RRM2: variants seen among roughly 807,000 people sequenced by gnomAD.
RRM2 encodes the protein ribonucleoside-diphosphate reductase subunit M2.
RRM2 carries 6 observed loss-of-function variants against 45.9 expected under a neutral mutation model. The observed-to-expected ratio is 0.13, with a 90% CI of 0.07 to 0.26. The LOEUF (loss-of-function observed/expected upper bound fraction) is 0.26, where lower values mean the gene tolerates loss of function less well. RRM2 is among the 10% of genes least tolerant of loss of function. The pLI is 1.00. For missense variants in RRM2, 343 were observed against 489.5 expected (o/e 0.70, Z 2.82); for synonymous variants, 177 against 173.0 (o/e 1.02, Z -0.18).
intron 3 of RRM2, among the ~76,000 whole-genome samples, chr2:10,186,865 G>T (rs1436412719): frequency 1.3e-5 from 2 of 152,234 alleles, no homozygotes; most frequent in Admixed American, 6.5e-5. Flanking sequence ...CAGATTGGGG[G>T]CTTGGGGACA....
chr2:10,122,770 T>TG lies in RRM2; in HGVS notation c.-28dup. The TG allele has an allele frequency of 6.4e-7, 1 of 1,565,718 alleles. No homozygotes were observed. Among genetic ancestry groups the TG allele is most frequent in the Non-Finnish European group, 8.7e-7 (1 of 1,155,736 alleles). On this transcript the variant is annotated 5_prime_UTR_variant, in exon 1 of 10. Transcript: ENST00000304567. ...CCTGTCCCAGCCGTCCTGTCCTGGC[T>TG]GCTCGCTCTGCTTCGCTGCGCCTCC...
chr2:10,128,803 G>A, intron 7 of RRM2, 45 bp from the exon 8 acceptor site: 2 of 1,314,322 alleles, frequency 1.5e-6, no homozygotes, highest in Non-Finnish European at 2.2e-6. Flanking sequence ...CCATGTTAAT[G>A]ACAGAAGTCT....
At position 10,177,973 on chromosome 2, in the gene RRM2, G is replaced by A. The variant is rs1663965473; in HGVS notation, n.483-32338G>A. On this transcript the variant is annotated intron_variant and non_coding_transcript_variant, in intron 3 of 3. Transcript: ENST00000381786. ...GTCTCGCTCTGTCACCCAGGCTGGA[G>A]TGCAGTGGCGCGATCTCGGCTCACT... is the stretch of plus-strand genomic sequence containing the variant. Among the ~76,000 whole-genome samples the A allele has an allele frequency of 2.0e-5, 3 of 150,516 alleles. No individual in the cohort carries two copies. The South Asian group carries it at 6.3e-4, about 32-fold the overall frequency.
chr2:10,125,432 G>T (rs761133775), intron 5 of RRM2, among the ~76,000 whole-genome samples: 2 of 152,120 alleles, frequency 1.3e-5, no homozygotes, highest in South Asian at 4.1e-4. Context: ...AGGGTGGCGC[G>T]CGGTGGTTCT....
intron 3 of RRM2, among the ~76,000 whole-genome samples, chr2:10,146,719 G>A (rs1663194333): frequency 6.6e-6 from 1 of 152,244 alleles, no homozygotes; most frequent in African/African-American, 2.4e-5. Flanking sequence ...GTAAGCCCCG[G>A]GAAGGGTAGG....
chr2:10,147,441 G>C (rs1663212287), intron 3 of RRM2, among the ~76,000 whole-genome samples: 1 of 151,878 alleles, frequency 6.6e-6, no homozygotes, highest in African/African-American at 2.4e-5. Flanking sequence ...ACCACACCCA[G>C]CTAATTTTTG....
chr2:10,123,224 G>C, intron 2 of RRM2, 163 bp from the exon 3 acceptor site: 4 of 1,274,344 alleles, frequency 3.1e-6, no homozygotes, highest in Middle Eastern at 2.8e-4. Flanking sequence ...TTCCCGGTTC[G>C]GGCGTGCGCT....
intron 3 of RRM2, among the ~76,000 whole-genome samples, chr2:10,160,793 C>T (rs1663538887): frequency 6.6e-6 from 1 of 152,220 alleles, no homozygotes; most frequent in Admixed American, 6.5e-5. Context: ...TTCAGTCTTT[C>T]CTGGAGCCCT....
At chr2:10,199,800 A>AAACAAAAAAAAAC (rs1553329434) in intron 3 of RRM2, among the ~76,000 whole-genome samples, 8 of 97,892 alleles carry the variant, frequency 8.2e-5, no homozygotes, top group African/African-American at 8.1e-5. Context: ...AAAAAAAAAA[A>AAACAAAAAAAAAC]AAAAAAAAAC....
rs1257894036 is a variant in RRM2, at chr2:10,171,877, A to G, written n.482+29502A>G. ...TCAGGAACAAACAAAATATACAGAAACTTGGCCCTTGTGTTGCTCAGGATG... is the reference window on the plus strand; with the variant it reads ...TCAGGAACAAACAAAATATACAGAAGCTTGGCCCTTGTGTTGCTCAGGATG... On this transcript the variant is annotated intron_variant and non_coding_transcript_variant, in intron 3 of 3. Coordinates refer to the RRM2 transcript ENST00000381786. This position sits in a 1 kb window ranked among gnomAD's most constrained non-coding sequence, Gnocchi z 4.1. 6.6e-6 allele frequency among the ~76,000 whole-genome samples: 1 copy of G among 152,152 alleles called. No homozygotes were observed. Among genetic ancestry groups the G allele is most frequent in the African/African-American group, 2.4e-5 (1 of 41,434 alleles).
chr2:10,130,676 C>CTGGA lies in RRM2; in HGVS notation c.*1291_*1294dup, dbSNP rs1403223403. ...ATGGAGTCTCGCTCTGTTGCCCAGG[C>CTGGA]TGGAGTGCAGTGGCGCGATTTTGGC... is the stretch of plus-strand genomic sequence containing the variant. On this transcript the variant is annotated 3_prime_UTR_variant, in exon 10 of 10. Coordinates refer to ENST00000304567, the MANE Select transcript of RRM2 (RefSeq NM_001034.4). 6.7e-6 allele frequency: 1 copy of CTGGA among 148,664 alleles called. No homozygotes were observed. The highest frequency in any genetic ancestry group is 2.0e-4 in the East Asian group (1 of 5,024). 9.2% of individuals were successfully genotyped at this position (148,664 alleles called of 1,614,324 possible).
chr2:10,180,310 G>A (rs1196530029), intron 3 of RRM2, among the ~76,000 whole-genome samples: 2 of 152,198 alleles, frequency 1.3e-5, no homozygotes, highest in African/African-American at 4.8e-5. Context: ...TGAGCCTGGA[G>A]GTTATTATAA....
At chr2:10,173,282 C>G (rs1663841007) in intron 3 of RRM2, among the ~76,000 whole-genome samples, 1 of 152,162 alleles carries the variant, frequency 6.6e-6, no homozygotes, top group Non-Finnish European at 1.5e-5. Context: ...TCTTTGCCGT[C>G]TTATTTCATC....
intron 5 of RRM2, 89 bp from the exon 6 acceptor site, chr2:10,126,786 C>A: frequency 3.3e-6 from 3 of 919,352 alleles, no homozygotes; most frequent in African/African-American, 1.7e-5. Flanking sequence ...TTGAATTTGG[C>A]CTTTGTCCCA....
At chr2:10,166,773 G>A (rs540804144) in intron 3 of RRM2, among the ~76,000 whole-genome samples, 4 of 152,326 alleles carry the variant, frequency 2.6e-5, no homozygotes, top group East Asian at 1.9e-4. Context: ...TTTGCTGAGC[G>A]GCGATGGAAC....
At position 10,123,380 on chromosome 2, in the gene RRM2, C is replaced by G. The variant is rs771607029; in HGVS notation, c.175-7C>G. ...GTACTTAAATGTTTTATTTTCTCCC[C>G]CAACAGAAAACTAAAGCAGCTGCCC... On this transcript the variant is annotated splice_polypyrimidine_tract_variant and splice_region_variant and intron_variant, in intron 2 of 9. Coordinates refer to ENST00000304567, the MANE Select transcript of RRM2 (RefSeq NM_001034.4). 5.0e-6 allele frequency: 8 copies of G among 1,600,582 alleles called. No individual in the cohort carries two copies. In the African/African-American group the frequency reaches 8.1e-5, roughly 16 times the overall value.
chr2:10,174,184 T>C (rs908556992), intron 3 of RRM2, among the ~76,000 whole-genome samples: 2 of 152,214 alleles, frequency 1.3e-5, no homozygotes, highest in African/African-American at 4.8e-5. Flanking sequence ...GAGCCCTTAC[T>C]GGACACTGGG....
intron 3 of RRM2, among the ~76,000 whole-genome samples, chr2:10,188,723 G>A (rs969859750): frequency 1.3e-5 from 2 of 152,034 alleles, no homozygotes; most frequent in Non-Finnish European, 1.5e-5. Context: ...AGGCATGGGG[G>A]GCATTTGTGG....
chr2:10,128,591 C>G (rs1662830656), intron 7 of RRM2, among the ~76,000 whole-genome samples: 1 of 152,160 alleles, frequency 6.6e-6, no homozygotes, highest in African/African-American at 2.4e-5. Context: ...CAACACACAG[C>G]AGAGCAAGAA....
Sources: allele counts gnomAD v4.1 joint callset (sites outside exome capture counted in the v4.1 genomes callset), GRCh38; gene constraint gnomAD v4.1.1; non-coding constraint Gnocchi (gnomAD v3.1); transcripts MANE v1.5; gene names NCBI Gene and HGNC (gene_info 2026-07-23, HGNC 2026-07-21).